Variants in CEP128 observed in about 807,000 individuals in gnomAD.
CEP128 encodes centrosomal protein 128, also known as centrosomal protein 128kDa.
In CEP128, 132 loss-of-function variants were observed where a neutral mutation model predicts 156.7. The observed-to-expected ratio is 0.84, with a 90% CI of 0.73 to 0.97. CEP128 has a LOEUF of 0.97. Ranked by LOEUF, CEP128 falls within the 50% of genes least tolerant of loss-of-function variation. The pLI is 0.00. For missense variants in CEP128, 1,252 were observed against 1,281.9 expected (o/e 0.98, Z 0.36); for synonymous variants, 469 against 448.9 (o/e 1.04, Z -0.57).
At chr14:80,533,734 G>A (rs547012544) in intron 21 of CEP128, among the ~76,000 whole-genome samples, 210 of 151,650 alleles carry the variant, frequency 1.4e-3, no homozygotes, top group South Asian at 4.6e-3. Flanking sequence ...TTTCACTTGT[G>A]GCTTATTTTA....
intron 19 of CEP128, among the ~76,000 whole-genome samples, chr14:80,672,570 T>C (rs2140934611): frequency 6.6e-6 from 1 of 152,272 alleles, no homozygotes; most frequent in African/African-American, 2.4e-5. Context: ...CAAATATATC[T>C]TAAAGTTTTG....
chr14:80,747,605 G>A (rs866854229), intron 18 of CEP128, among the ~76,000 whole-genome samples: 15 of 152,250 alleles, frequency 9.9e-5, no homozygotes, highest in Middle Eastern at 6.8e-3. Context: ...TCAGGAGTTC[G>A]AGACCAGCCT....
chr14:80,657,812 G>T (rs1895238631), intron 19 of CEP128, among the ~76,000 whole-genome samples: 1 of 152,052 alleles, frequency 6.6e-6, no homozygotes, highest in Non-Finnish European at 1.5e-5. Flanking sequence ...TTTTACTAAG[G>T]CAACCCAAGA....
At chr14:80,695,602 A>G (rs1896864305) in intron 19 of CEP128, among the ~76,000 whole-genome samples, 1 of 151,920 alleles carries the variant, frequency 6.6e-6, no homozygotes, top group South Asian at 2.1e-4. Flanking sequence ...CTGTAATCCC[A>G]GCTACTCGGG....
At chr14:80,888,255 G>C (rs1349367823) in intron 8 of CEP128, among the ~76,000 whole-genome samples, 1 of 152,158 alleles carries the variant, frequency 6.6e-6, no homozygotes, top group East Asian at 1.9e-4. Flanking sequence ...TAGAAAAAAG[G>C]GGGACTCCTT....
intron 13 of CEP128, among the ~76,000 whole-genome samples, chr14:80,828,560 T>A (rs1369143432): frequency 6.6e-6 from 1 of 152,168 alleles, no homozygotes; most frequent in Non-Finnish European, 1.5e-5. Flanking sequence ...TTAATCCAAT[T>A]CCACTTTTAC....
chr14:80,880,530 C>T (rs1233913907), intron 8 of CEP128, among the ~76,000 whole-genome samples: 2 of 151,960 alleles, frequency 1.3e-5, no homozygotes, highest in Non-Finnish European at 2.9e-5. Flanking sequence ...GTAAAGTTAT[C>T]TCTATTTGCA....
chr14:80,485,501 A>G (rs1471907549), downstream of CEP128, among the ~76,000 whole-genome samples: 1 of 152,160 alleles, frequency 6.6e-6, no homozygotes, highest in African/African-American at 2.4e-5. Flanking sequence ...GTGTATAACT[A>G]TTATCATTGC....
chr14:80,508,270 T>C (rs533042732), intron 23 of CEP128, among the ~76,000 whole-genome samples: 2 of 152,338 alleles, frequency 1.3e-5, no homozygotes, highest in East Asian at 1.9e-4. Flanking sequence ...AGTCAAAATA[T>C]GGCACTGACA....
chr14:80,779,870 G>A (rs1901009299), intron 15 of CEP128, among the ~76,000 whole-genome samples: 2 of 152,090 alleles, frequency 1.3e-5, no homozygotes, highest in Admixed American at 1.3e-4. Flanking sequence ...GATATAGAAG[G>A]ACATTATTCC....
chr14:80,546,166 G>T, intron 21 of CEP128, among the ~76,000 whole-genome samples: 1 of 152,154 alleles, frequency 6.6e-6, no homozygotes, highest in East Asian at 1.9e-4. Flanking sequence ...GCTGGTAAAG[G>T]TAATGCATAC....
chr14:80,527,061 C>A, intron 22 of CEP128, 79 bp from the exon 23 acceptor site: 1 of 673,498 alleles, frequency 1.5e-6, no homozygotes, highest in Non-Finnish European at 2.6e-6. Flanking sequence ...AAGAAAGAGT[C>A]TATATGTAGA....
intron 9 of CEP128, among the ~76,000 whole-genome samples, chr14:80,857,939 T>C (rs1172400441): frequency 6.6e-6 from 1 of 152,194 alleles, no homozygotes; most frequent in Non-Finnish European, 1.5e-5. Flanking sequence ...ATGAAGGTCC[T>C]TACCAAATAA....
chr14:80,508,617 T>C (rs1339264691), intron 23 of CEP128, among the ~76,000 whole-genome samples: 1 of 152,202 alleles, frequency 6.6e-6, no homozygotes, highest in African/African-American at 2.4e-5. Context: ...CTTTTGTCCA[T>C]ATTTTTATGT....
At chr14:80,849,788 T>G (rs946379717) in intron 9 of CEP128, among the ~76,000 whole-genome samples, 17 of 151,596 alleles carry the variant, frequency 1.1e-4, no homozygotes, top group Non-Finnish European at 2.2e-4. Context: ...AGAACACCAA[T>G]AGAAAATAAA....
intron 18 of CEP128, among the ~76,000 whole-genome samples, chr14:80,745,424 G>A (rs1026902192): frequency 2.0e-5 from 3 of 152,118 alleles, no homozygotes; most frequent in Non-Finnish European, 2.9e-5. Context: ...TCAAGTGGAA[G>A]TTGTCCCAAG....
chr14:80,706,930 T>C (rs981942598), intron 19 of CEP128, among the ~76,000 whole-genome samples: 2 of 152,172 alleles, frequency 1.3e-5, no homozygotes, highest in African/African-American at 4.8e-5. Context: ...CCGTGATATT[T>C]TTCTTTCTGT....
chr14:80,508,010 G>T (rs1341349795), intron 23 of CEP128, among the ~76,000 whole-genome samples: 1 of 152,194 alleles, frequency 6.6e-6, no homozygotes, highest in African/African-American at 2.4e-5. Flanking sequence ...TGCCTCCCAG[G>T]TTCAAGCGAT....
At position 80,656,291 on chromosome 14, in the gene CEP128, TTATATATATA is replaced by T. The variant is rs1159139132; in HGVS notation, c.2807-75878_2807-75869del. Among the ~76,000 whole-genome samples, 91 of 25,686 alleles carry T rather than the reference TTATATATATA, an allele frequency of 3.5e-3. 3 individuals are homozygous for T. Among genetic ancestry groups the T allele is most frequent in the East Asian group, 0.032 (21 of 652 alleles). 16.9% of individuals were successfully genotyped at this position (25,686 alleles called of 152,430 possible). A position where few individuals can be genotyped will look rare whatever the true frequency, so the allele number is the denominator to read the frequency against. On this transcript the variant is annotated intron_variant, in intron 19 of 24. Coordinates refer to ENST00000555265, the MANE Select transcript of CEP128 (RefSeq NM_152446.5). ...CCTAAGTTTTTATTTATATATATAT[TTATATATATA>T]TATATATATATATATATATATATAT...
Sources: allele counts gnomAD v4.1 joint callset (sites outside exome capture counted in the v4.1 genomes callset), GRCh38; gene constraint gnomAD v4.1.1; transcripts MANE v1.5; gene names NCBI Gene and HGNC (gene_info 2026-07-23, HGNC 2026-07-21).